The following DEPDC5 variants were observed in gnomAD, a reference collection of about 807,000 sequenced individuals.
DEPDC5 encodes GATOR1 complex protein DEPDC5.
In DEPDC5, 73 loss-of-function variants were observed where a neutral mutation model predicts 217.3. The ratio of observed to expected loss-of-function variants is 0.34; its 90% confidence interval spans 0.28 to 0.41. DEPDC5 has a LOEUF of 0.41. Among genes scored for constraint, DEPDC5 ranks in the 10% least tolerant of loss-of-function variants. The pLI, the probability that DEPDC5 is intolerant of heterozygous loss-of-function variation, is 1.00. For synonymous variants in DEPDC5, 733 were observed against 756.7 expected (o/e 0.97, Z 0.51); for missense variants, 1,675 against 2,070.1 (o/e 0.81, Z 3.70).
chr22:31,803,218 C>CT (rs1009632663), intron 15 of DEPDC5, among the ~76,000 whole-genome samples: 48 of 145,658 alleles, frequency 3.3e-4, no homozygotes, highest in Middle Eastern at 3.5e-3. Flanking sequence ...TTCTTTCTTT[C>CT]TTTTTTTTTT....
Position 31,854,970 on chromosome 22 carries a change from T to C in DEPDC5, c.3156-2475T>C, listed in dbSNP as rs571018160. ...TTGAGTCTTGCTGGTTTTTTTTTTT[T>C]TTTTCTTTTTTTAAGACAGAGTCTT... On this transcript the variant is annotated intron_variant, in intron 31 of 42. Coordinates refer to ENST00000651528, the MANE Select transcript of DEPDC5 (RefSeq NM_001242896.3). 5.3e-5 allele frequency among the ~76,000 whole-genome samples: 8 copies of C among 151,940 alleles called. No individual in the cohort carries two copies. The East Asian group carries it at 1.5e-3, about 29-fold the overall frequency.
At chr22:31,895,884 A>C (rs2093542916) in intron 39 of DEPDC5, among the ~76,000 whole-genome samples, 1 of 151,990 alleles carries the variant, frequency 6.6e-6, no homozygotes, top group East Asian at 1.9e-4. Flanking sequence ...CCTGCTGCTC[A>C]TTCTGCTCAG....
At chr22:31,769,521 G>T (rs534913778) in intron 7 of DEPDC5, 1 of 152,276 alleles carries the variant, frequency 6.6e-6, no homozygotes, top group South Asian at 2.1e-4. Context: ...ATTGGCTCCT[G>T]ATTTGTTACC....
chr22:31,760,439 C>T (rs1026860966), intron 3 of DEPDC5, among the ~76,000 whole-genome samples: 10 of 151,870 alleles, frequency 6.6e-5, no homozygotes, highest in Non-Finnish European at 1.5e-4. Flanking sequence ...CTCCTGACCT[C>T]GTGGTCCACC....
intron 27 of DEPDC5, among the ~76,000 whole-genome samples, chr22:31,841,771 G>A (rs1377407366): frequency 6.6e-6 from 1 of 152,206 alleles, no homozygotes; most frequent in Admixed American, 6.5e-5. Flanking sequence ...TGTGAAGGGA[G>A]TAACCTCCGG....
At chr22:31,847,109 C>A in intron 31 of DEPDC5, 142 bp downstream of exon 31, 1 of 1,198,536 alleles carries the variant, frequency 8.3e-7, no homozygotes, top group Non-Finnish European at 1.2e-6. Flanking sequence ...AAAAGGAAGG[C>A]TAATACCTGG....
At chr22:31,820,013 A>G (rs2089528959) in intron 22 of DEPDC5, among the ~76,000 whole-genome samples, 1 of 152,180 alleles carries the variant, frequency 6.6e-6, no homozygotes. Context: ...TCTCAAGAAG[A>G]TGACAGTAAG....
chr22:31,906,263 G>A lies in DEPDC5; in HGVS notation c.4578G>A (p.Arg1526=), dbSNP rs2093757079. The A allele has an allele frequency of 6.2e-7, 1 of 1,613,932 alleles. No homozygotes were observed. Among genetic ancestry groups the A allele is most frequent in the Non-Finnish European group, 8.5e-7 (1 of 1,179,938 alleles). ...GCAAGTTCTCAGGGCAGCAGCGGCGGCGGCGGAACTCCACCAGCTCCACCA... is the reference window on the plus strand; with the variant it reads ...GCAAGTTCTCAGGGCAGCAGCGGCGACGGCGGAACTCCACCAGCTCCACCA... The part of the protein sequence containing the change: ...SKRKFSGQQR[R]RRNSTSSTNQ... The change falls in exon 43 of 43, where the codon CGG becomes CGA. Residue 1526 remains arginine (R), a synonymous_variant. Transcript: ENST00000651528. The surrounding 1 kb of genome is among the most constrained non-coding windows in gnomAD (Gnocchi z 5.1).
intron 21 of DEPDC5, chr22:31,817,034 C>T (rs1289874858): frequency 6.4e-6 from 1 of 155,134 alleles, no homozygotes; most frequent in African/African-American, 2.4e-5. Flanking sequence ...TGGCCTGGGA[C>T]CACCTACTAT....
intron 40 of DEPDC5, among the ~76,000 whole-genome samples, chr22:31,900,057 G>GT (rs2093621906): frequency 1.3e-5 from 2 of 151,902 alleles, no homozygotes; most frequent in African/African-American, 4.8e-5. Flanking sequence ...CTTTATTTTA[G>GT]TTTTTTTGAG....
At position 31,843,080 on chromosome 22, in the gene DEPDC5, T is replaced by A; in HGVS notation, c.2516-15T>A. The stretch of plus-strand genomic sequence containing the variant: ...AGCTTCAAACAGATGGAGGAAATTA[T>A]TATTTTTCTGTTAGGCCTTGTGTCC... On this transcript the variant is annotated splice_polypyrimidine_tract_variant and intron_variant, in intron 27 of 42. Transcript: ENST00000651528. The A allele has an allele frequency of 1.3e-6, 2 of 1,592,072 alleles. No homozygotes were observed. Among genetic ancestry groups the A allele is most frequent in the Non-Finnish European group, 1.7e-6 (2 of 1,161,860 alleles).
At chr22:31,888,014 T>A (rs2149345952) in intron 38 of DEPDC5, among the ~76,000 whole-genome samples, 1 of 152,280 alleles carries the variant, frequency 6.6e-6, no homozygotes, top group Non-Finnish European at 1.5e-5. Flanking sequence ...TTTAAACACT[T>A]AGGATACTCA....
intron 34 of DEPDC5, among the ~76,000 whole-genome samples, chr22:31,871,195 C>G (rs2149235924): frequency 6.6e-6 from 1 of 152,348 alleles, no homozygotes; most frequent in Admixed American, 6.5e-5. Context: ...ACTTCATTTG[C>G]TCGAGCAAGT....
At chr22:31,866,373 T>C (rs1389554806) in intron 33 of DEPDC5, among the ~76,000 whole-genome samples, 1 of 152,168 alleles carries the variant, frequency 6.6e-6, no homozygotes, top group East Asian at 1.9e-4. Flanking sequence ...TGTGACTGTT[T>C]CTCAGGCTTT....
At chr22:31,867,319 G>A (rs1018737105) in intron 33 of DEPDC5, among the ~76,000 whole-genome samples, 1 of 152,180 alleles carries the variant, frequency 6.6e-6, no homozygotes, top group African/African-American at 2.4e-5. Flanking sequence ...TGTAATATAA[G>A]GCCTTGTAAA....
intron 19 of DEPDC5, 81 bp downstream of exon 19, chr22:31,809,728 C>T (rs1200224523): frequency 3.3e-6 from 5 of 1,505,678 alleles, no homozygotes; most frequent in Non-Finnish European, 4.6e-6. Flanking sequence ...GCCTATAATC[C>T]CAGCACTTTG....
intron 2 of DEPDC5, among the ~76,000 whole-genome samples, chr22:31,756,733 C>T (rs2081968969): frequency 6.6e-6 from 1 of 151,816 alleles, no homozygotes; most frequent in Admixed American, 6.6e-5. Flanking sequence ...CCAGCCTGGC[C>T]AACATAGTGA....
chr22:31,888,423 T>C (rs550146622), intron 38 of DEPDC5, among the ~76,000 whole-genome samples: 20 of 151,012 alleles, frequency 1.3e-4, no homozygotes, highest in Non-Finnish European at 2.5e-4. Flanking sequence ...CTAATGTTTT[T>C]CTATTTTTAA....
intron 33 of DEPDC5, among the ~76,000 whole-genome samples, chr22:31,864,501 A>ATATATATATATAT (rs2092618825): frequency 8.1e-6 from 1 of 123,160 alleles, no homozygotes; most frequent in Non-Finnish European, 1.7e-5. Flanking sequence ...TCTTCATTAA[A>ATATATATATATAT]ATATATATAT....
Sources: gnomAD v4.1 joint callset for allele counts (sites outside exome capture counted in the v4.1 genomes callset) on GRCh38, gnomAD v4.1.1 for gene constraint, Gnocchi (gnomAD v3.1) non-coding constraint, MANE v1.5 for transcripts, NCBI Gene and HGNC (gene_info 2026-07-23, HGNC 2026-07-21) for gene names.